The following ELP6 variants were observed in gnomAD, a reference collection of about 807,000 sequenced individuals.
The protein encoded by ELP6 is elongator acetyltransferase complex subunit 6.
Under a neutral mutation model 28.1 loss-of-function variants are expected in ELP6, and 23 were observed. That is an observed-to-expected ratio of 0.82 (90% CI 0.59 to 1.16). The LOEUF (loss-of-function observed/expected upper bound fraction) is 1.16. Ranked by LOEUF, ELP6 falls within the 50% of genes most tolerant of loss-of-function variation. The probability of loss-of-function intolerance (pLI) is 0.00; values close to 1 mark genes in which losing one functional copy is unlikely to be tolerated. For missense variants in ELP6, 313 were observed against 334.6 expected (o/e 0.94, Z 0.50); for synonymous variants, 132 against 135.8 (o/e 0.97, Z 0.19).
chr3:47,511,326 C>A (rs1559595593), intron 1 of ELP6, 100 bp from the exon 2 acceptor site: 3 of 1,472,154 alleles, frequency 2.0e-6, no homozygotes, highest in Non-Finnish European at 1.8e-6. Context: ...ATTTCTCCAC[C>A]TGAAGAGTTT....
chr3:47,504,550 G>A, intron 3 of ELP6, 102 bp from the exon 4 acceptor site: 1 of 1,416,380 alleles, frequency 7.1e-7, no homozygotes. Flanking sequence ...AAACTTGGCA[G>A]AAGTGTATCT....
intron 1 of ELP6, chr3:47,512,861 T>A (rs746274795): frequency 1.6e-4 from 161 of 983,746 alleles, no homozygotes; most frequent in Non-Finnish European, 1.9e-4. Flanking sequence ...AACTCCCCTC[T>A]CCTCTCGGGC....
chr3:47,504,623 A>C, intron 3 of ELP6, 175 bp from the exon 4 acceptor site: 1 of 985,354 alleles, frequency 1.0e-6, no homozygotes, highest in Non-Finnish European at 1.2e-6. Context: ...TAATGCCCCA[A>C]CTGTTTTCAG....
Position 47,501,800 on chromosome 3 carries a change from G to A in ELP6, c.375C>T (p.Ala125=), listed in dbSNP as rs2108086171. ...LKPLFEFVRE[A]LKPVDSGEAR... Reference sequence around the variant, plus strand: ...CCTCTCCACTGTCTACTGGCTTCAGGGCCTCCCGTACAAACTCAAACAATG... The same window carrying A: ...CCTCTCCACTGTCTACTGGCTTCAGAGCCTCCCGTACAAACTCAAACAATG... Residue 125 remains alanine, a synonymous_variant, in exon 5 of 7, where the codon GCC becomes GCT. Coordinates refer to ENST00000296149, the MANE Select transcript of ELP6 (RefSeq NM_001031703.3). 1 of 1,613,874 alleles carries A rather than the reference G, an allele frequency of 6.2e-7. No individual in the cohort carries two copies. The highest frequency in any genetic ancestry group is 2.2e-5 in the East Asian group (1 of 44,876).
intron 6 of ELP6, chr3:47,497,883 A>ACTGAGG (rs1178451152): frequency 3.4e-6 from 3 of 891,252 alleles, no homozygotes; most frequent in Non-Finnish European, 4.0e-6. Flanking sequence ...GTGAGCCAAG[A>ACTGAGG]TCGCGCCACT....
intron 3 of ELP6, among the ~76,000 whole-genome samples, chr3:47,506,425 G>A (rs1186036032): frequency 6.6e-6 from 1 of 152,220 alleles, no homozygotes; most frequent in Non-Finnish European, 1.5e-5. Flanking sequence ...TGGGAGACTG[G>A]GGTCTATTTC....
intron 5 of ELP6, chr3:47,498,754 CA>C: frequency 1.0e-6 from 1 of 977,972 alleles, no homozygotes; most frequent in Non-Finnish European, 1.2e-6. Context: ...GGCAACCATT[CA>C]TTCAGTCAAC....
chr3:47,510,294 T>G, intron 2 of ELP6, 40 bp from the exon 3 acceptor site: 2 of 1,567,366 alleles, frequency 1.3e-6, no homozygotes, highest in South Asian at 2.2e-5. Context: ...ATCCTCTGGT[T>G]ACAACCAGAC....
In ELP6 at chr3:47,504,417, C is replaced by T; in HGVS notation, c.236G>A (p.Gly79Glu). ...GAGTCCCTCAAGGAACACAAGCTGC[C>T]CACGCTCCCGCGCCATGGTCAGGCT... ...GVSLTMARER[G>E]QLVFLEGLKS... The change falls in exon 4 of 7, where the codon GGG becomes GAG. Residue 79 changes from glycine to glutamate, a missense_variant. Transcript: ENST00000296149. The T allele has an allele frequency of 6.2e-7, 1 of 1,607,942 alleles. No homozygotes were observed. The highest frequency in any genetic ancestry group is 8.5e-7 in the Non-Finnish European group (1 of 1,176,588).
chr3:47,498,441 G>C lies in ELP6; in HGVS notation c.526-9C>G. Reference sequence around the variant, plus strand: ...AGGACCACCATGTTTCCCTGCATCAGATACAAGATGGAAGCCTGCTCCTTA... The same window carrying C: ...AGGACCACCATGTTTCCCTGCATCACATACAAGATGGAAGCCTGCTCCTTA... On this transcript the variant is annotated splice_polypyrimidine_tract_variant and intron_variant, in intron 5 of 6. Coordinates refer to ENST00000296149, the MANE Select transcript of ELP6 (RefSeq NM_001031703.3). 2 of 1,611,018 alleles carry C rather than the reference G, an allele frequency of 1.2e-6. No individual in the cohort carries two copies. The highest frequency in any genetic ancestry group is 1.7e-6 in the Non-Finnish European group (2 of 1,179,702).
intron 5 of ELP6, 24 bp from the exon 6 acceptor site, chr3:47,498,456 C>T (rs1708544729): frequency 6.2e-7 from 1 of 1,607,894 alleles, no homozygotes; most frequent in East Asian, 2.2e-5. Context: ...AAGATGGAAG[C>T]CTGCTCCTTA....
chr3:47,504,237 T>A, intron 4 of ELP6, 93 bp downstream of exon 4: 1 of 1,448,590 alleles, frequency 6.9e-7, no homozygotes, highest in East Asian at 2.5e-5. Context: ...TCCATCCTCC[T>A]GCACAATAAG....
chr3:47,509,615 C>T (rs992995945), intron 3 of ELP6, among the ~76,000 whole-genome samples: 3 of 152,090 alleles, frequency 2.0e-5, no homozygotes, highest in Non-Finnish European at 2.9e-5. Context: ...AAAACTCATA[C>T]GGAGAAGGAG....
At position 47,504,325 on chromosome 3, in the gene ELP6, C is replaced by T; in HGVS notation, c.323+5G>A. Reference sequence around the variant, plus strand: ...GCTTCCGGGCTGGGCTGTAGGCTGACTGACCTGAGAAACTGCAGGGGGTGT... The same window carrying T: ...GCTTCCGGGCTGGGCTGTAGGCTGATTGACCTGAGAAACTGCAGGGGGTGT... On this transcript the variant is annotated splice_donor_5th_base_variant and intron_variant, in intron 4 of 6. Transcript: ENST00000296149. The T allele has an allele frequency of 6.3e-7, 1 of 1,599,974 alleles. No homozygotes were observed. Among genetic ancestry groups the T allele is most frequent in the Non-Finnish European group, 8.5e-7 (1 of 1,172,024 alleles).
chr3:47,510,922 G>A (rs1455719250), intron 2 of ELP6, among the ~76,000 whole-genome samples: 1 of 152,142 alleles, frequency 6.6e-6, no homozygotes, highest in Non-Finnish European at 1.5e-5. Flanking sequence ...GTGGAGAAGG[G>A]GAAGGTAGGA....
chr3:47,510,088 A>G (rs1708970825), intron 3 of ELP6, 96 bp downstream of exon 3: 5 of 985,988 alleles, frequency 5.1e-6, no homozygotes. Flanking sequence ...TCTTTTGCTA[A>G]GTTCTGTACA....
intron 6 of ELP6, 72 bp from the exon 7 acceptor site, chr3:47,496,269 C>T (rs1049013264): frequency 1.9e-6 from 3 of 1,553,110 alleles, no homozygotes; most frequent in Non-Finnish European, 2.6e-6. Flanking sequence ...CCCACCCTAC[C>T]TTCTCTGTGC....
At chr3:47,509,695 G>C (rs1304568384) in intron 3 of ELP6, among the ~76,000 whole-genome samples, 3 of 152,126 alleles carry the variant, frequency 2.0e-5, no homozygotes, top group African/African-American at 7.2e-5. Context: ...AGCAGGTCTG[G>C]TTCTACGAAG....
chr3:47,498,040 T>C, intron 6 of ELP6: 2 of 984,244 alleles, frequency 2.0e-6, no homozygotes, highest in Non-Finnish European at 2.4e-6. Flanking sequence ...TAGACAGCTG[T>C]CTCCTCTTTA....
Sources: allele counts gnomAD v4.1 joint callset (sites outside exome capture counted in the v4.1 genomes callset), GRCh38; gene constraint gnomAD v4.1.1; transcripts MANE v1.5; gene names NCBI Gene and HGNC (gene_info 2026-07-23, HGNC 2026-07-21).